GRSF1: variants seen among roughly 807,000 people sequenced by gnomAD.
GRSF1 encodes the protein G-rich RNA sequence binding factor 1.
In GRSF1, 50 loss-of-function variants were observed where a neutral mutation model predicts 51.1. The ratio of observed to expected loss-of-function variants is 0.98; its 90% CI spans 0.78 to 1.24. The LOEUF is 1.24. Among genes scored for constraint, GRSF1 ranks in the 50% most tolerant of loss-of-function variants. GRSF1 has a pLI of 0.00. For synonymous variants in GRSF1, 293 were observed against 253.3 expected, an observed-to-expected ratio of 1.16 and a Z score of -1.49; for missense variants, 700 against 639.7, an observed-to-expected ratio of 1.09 and a Z score of -1.02.
At chr4:70,838,591 G>C (rs1216707630) in intron 1 of GRSF1, among the ~76,000 whole-genome samples, 1 of 152,196 alleles carries the variant, frequency 6.6e-6, no homozygotes, top group African/African-American at 2.4e-5. Flanking sequence ...TAAGGAATCA[G>C]GGGCTGGGTA....
In GRSF1 at chr4:70,816,353, A is replaced by G. The variant is rs999802502; in HGVS notation, c.*4534T>C. ...CGATACAAGACTCCATCTCAAAAAA[A>G]AAAAAAAAAAAAGAAAAAACCTCAT... On this transcript the variant is annotated 3_prime_UTR_variant, in exon 10 of 10. Coordinates refer to ENST00000254799, the MANE Select transcript of GRSF1 (RefSeq NM_002092.4). The G allele has an allele frequency of 2.6e-5, 4 of 151,556 alleles. No individual in the cohort carries two copies. The East Asian group carries it at 7.7e-4, about 29-fold the overall frequency. The allele number at this position is 151,556 out of a possible 1,614,324, so 9.4% of individuals were successfully genotyped here.
At chr4:70,835,892 T>C (rs1173530542) in intron 2 of GRSF1, among the ~76,000 whole-genome samples, 1 of 152,212 alleles carries the variant, frequency 6.6e-6, no homozygotes. Flanking sequence ...AACTGCTGAT[T>C]ACAGGCCTGA....
At chr4:70,836,136 A>G in intron 2 of GRSF1, 22 bp downstream of exon 2, 1 of 1,358,388 alleles carries the variant, frequency 7.4e-7, no homozygotes, top group South Asian at 1.6e-5. Flanking sequence ...AAATAAATAA[A>G]TAAAACATAC....
chr4:70,839,463 C>T lies in GRSF1; in HGVS notation c.357+8G>A, dbSNP rs1734370447. The T allele has an allele frequency of 6.8e-7, 1 of 1,462,102 alleles. No homozygotes were observed. The highest frequency in any genetic ancestry group is 2.6e-5 in the Admixed American group (1 of 39,214). 90.6% of individuals were successfully genotyped at this position (1,462,102 alleles called of 1,614,324 possible). On this transcript the variant is annotated splice_region_variant and intron_variant, in intron 1 of 9. Transcript: ENST00000254799. ...TCTCGCGCCAGGTCCCTCACGGCGC[C>T]CACGTACCTGGCTGTAGCTGCGCGT...
rs749566614 is a variant in GRSF1 at position 70,833,232 on chromosome 4, G to C, written c.556C>G (p.Leu186Val). The C allele has an allele frequency of 5.6e-6, 9 of 1,613,812 alleles. No homozygotes were observed. The South Asian group carries it at 9.9e-5, about 18-fold the overall frequency. ...CCCCTTCGTTTCCCATCTCTGTTTA[G>C]GAGAAAATGTATTCCATTCTCACCG... is the stretch of plus-strand genomic sequence containing the variant. ...RNGENGIHFL[L>V]NRDGKRRGDA... The change falls in exon 3 of 10, where the codon CTA (leucine) becomes GTA (valine). Residue 186 changes from leucine (L) to valine (V), a missense_variant. Physicochemically the swap from Leu to Val is conservative, Grantham distance 32. Transcript: ENST00000254799.
In GRSF1 at chr4:70,831,747, C is replaced by G. The variant is rs1733978191; in HGVS notation, c.815-73G>C. On this transcript the variant is annotated intron_variant, in intron 4 of 9. Transcript: ENST00000254799. ...TAGAATTAACACCATCATTCACATA[C>G]TAATAAAATTTTTATTCTGTTTTGC... The G allele has an allele frequency of 3.7e-6, 5 of 1,333,816 alleles. No homozygotes were observed. In the South Asian group the frequency reaches 6.9e-5, roughly 18 times the overall value. The allele number at this position is 1,333,816 out of a possible 1,614,324, so 82.6% of individuals were successfully genotyped here. A position where few individuals can be genotyped will look rare whatever the true frequency, so the allele number is the denominator to read the frequency against.
rs368531595 is a variant in GRSF1 at position 70,833,147 on chromosome 4, C to T, written c.641G>A (p.Arg214His). 1.8e-5 allele frequency: 29 copies of T among 1,613,914 alleles called. No individual in the cohort carries two copies. In the African/African-American group the frequency reaches 2.5e-4, roughly 14 times the overall value. Residue 214 changes from arginine (R) to histidine (H), a missense_variant, in exon 3 of 10, where the codon CGC becomes CAC. By Grantham distance (29) the Arg-to-His change is conservative. Coordinates refer to ENST00000254799, the MANE Select transcript of GRSF1 (RefSeq NM_002092.4). The stretch of plus-strand genomic sequence containing the variant: ...CACATACCGCTGGCCCATGTACATG[C>T]GGTGCTTCTCTAAGGCTTTCTGCAC... ...QDVQKALEKH[R>H]MYMGQRYVEV...
rs1213702868 is a variant in GRSF1 at position 70,826,300 on chromosome 4, A to T, written c.1136-55T>A. On this transcript the variant is annotated intron_variant, in intron 6 of 9. Coordinates refer to ENST00000254799, the MANE Select transcript of GRSF1 (RefSeq NM_002092.4). ...AACATAACAGCTTCAAGGGTTATTA[A>T]CAGATTCTAATTAGGTATGACTTTT... The T allele has an allele frequency of 2.1e-6, 3 of 1,458,506 alleles. No individual in the cohort carries two copies. In the African/African-American group the frequency reaches 4.3e-5, roughly 21 times the overall value. The allele number at this position is 1,458,506 out of a possible 1,614,324, so 90.3% of individuals were successfully genotyped here.
intron 7 of GRSF1, 200 bp downstream of exon 7, chr4:70,825,922 ACT>A (rs1263706070): frequency 1.6e-5 from 8 of 496,832 alleles, no homozygotes; most frequent in East Asian, 7.9e-5. Flanking sequence ...ACAGAGCGAG[ACT>A]CTGTCACAAA....
Position 70,839,890 on chromosome 4 carries a change from T to G in GRSF1, c.-63A>C, listed in dbSNP as rs1008619533. ...TCCAGCAGCGATGGTGGAACGGAAG[T>G]GGAATCCAGGGCCGGTTGGGGGTGG... On this transcript the variant is annotated 5_prime_UTR_variant, in exon 1 of 10. Transcript: ENST00000254799. 28 of 1,403,218 alleles carry G rather than the reference T, an allele frequency of 2.0e-5. No homozygotes were observed. In the African/African-American group the frequency reaches 4.1e-4, roughly 21 times the overall value. 86.9% of individuals were successfully genotyped at this position (1,403,218 alleles called of 1,614,324 possible). A position where few individuals can be genotyped will look rare whatever the true frequency, so the allele number is the denominator to read the frequency against.
intron 1 of GRSF1, among the ~76,000 whole-genome samples, chr4:70,837,433 G>A (rs558101348): frequency 4.8e-4 from 73 of 151,804 alleles, no homozygotes; most frequent in African/African-American, 1.7e-3. Context: ...GTGTGGTGGC[G>A]TGTGCCCGTA....
chr4:70,821,255 C>G (rs1294853288), intron 9 of GRSF1, among the ~76,000 whole-genome samples: 1 of 151,948 alleles, frequency 6.6e-6, no homozygotes, highest in Non-Finnish European at 1.5e-5. Context: ...AAAGAAACCC[C>G]GTCTCCACAA....
intron 6 of GRSF1, among the ~76,000 whole-genome samples, chr4:70,827,058 C>G (rs185252286): frequency 5.3e-5 from 8 of 152,218 alleles, no homozygotes; most frequent in Admixed American, 3.9e-4. Flanking sequence ...GAAGCAGAGG[C>G]CGGCAGATCA....
intron 1 of GRSF1, chr4:70,839,138 G>A (rs1307795297): frequency 7.6e-7 from 1 of 1,315,662 alleles, no homozygotes; most frequent in East Asian, 5.0e-5. Flanking sequence ...AAAGCAAGAA[G>A]ATGCGAGGTG....
intron 2 of GRSF1, among the ~76,000 whole-genome samples, chr4:70,835,150 T>C (rs565814688): frequency 6.6e-6 from 1 of 151,736 alleles, no homozygotes; most frequent in East Asian, 2.0e-4. Flanking sequence ...CTACGTAGTA[T>C]TCCATCATAC....
chr4:70,820,376 A>G lies in GRSF1; in HGVS notation c.*511T>C, dbSNP rs1733453927. On this transcript the variant is annotated 3_prime_UTR_variant, in exon 10 of 10. Transcript: ENST00000254799. ...ATCAAATACAGCAAAATTTAAAACT[A>G]TTCTGCCAAACCATACCAGTTCAAA... 1 of 152,620 alleles carries G rather than the reference A, an allele frequency of 6.6e-6. No homozygotes were observed. The highest frequency in any genetic ancestry group is 1.5e-5 in the Non-Finnish European group (1 of 68,030). 9.5% of individuals were successfully genotyped at this position (152,620 alleles called of 1,614,324 possible). A position where few individuals can be genotyped will look rare whatever the true frequency, so the allele number is the denominator to read the frequency against.
At position 70,819,453 on chromosome 4, in the gene GRSF1, T is replaced by C. The variant is rs1434035090; in HGVS notation, c.*1434A>G. The C allele has an allele frequency of 1.3e-5, 2 of 152,206 alleles. No homozygotes were observed. Among genetic ancestry groups the C allele is most frequent in the Admixed American group, 6.5e-5 (1 of 15,270 alleles). 9.4% of individuals were successfully genotyped at this position (152,206 alleles called of 1,614,324 possible). A position where few individuals can be genotyped will look rare whatever the true frequency, so the allele number is the denominator to read the frequency against. On this transcript the variant is annotated 3_prime_UTR_variant, in exon 10 of 10. Coordinates refer to ENST00000254799, the MANE Select transcript of GRSF1 (RefSeq NM_002092.4). ...CACGAAAATTAACCCTTACTACTTA[T>C]ATTAATATAGCAGGACTTGAGGTAA...
In GRSF1 at chr4:70,835,386, T is replaced by C. The variant is rs577677563; in HGVS notation, c.514+772A>G. Among the ~76,000 whole-genome samples the C allele has an allele frequency of 2.8e-5, 4 of 144,632 alleles. No homozygotes were observed. The East Asian group carries it at 6.8e-4, about 24-fold the overall frequency. 94.9% of individuals were successfully genotyped at this position (144,632 alleles called of 152,430 possible). A position where few individuals can be genotyped will look rare whatever the true frequency, so the allele number is the denominator to read the frequency against. On this transcript the variant is annotated intron_variant, in intron 2 of 9. Coordinates refer to ENST00000254799, the MANE Select transcript of GRSF1 (RefSeq NM_002092.4). ...CGGAGCTTGCAGTGAGCTGAGATCA[T>C]GCCACTGCACTCCAGCCTGGCGACA... is the stretch of plus-strand genomic sequence containing the variant.
At chr4:70,823,117 C>T (rs999131093) in intron 9 of GRSF1, among the ~76,000 whole-genome samples, 32 of 149,984 alleles carry the variant, frequency 2.1e-4, no homozygotes, top group African/African-American at 6.4e-4. Context: ...AAAAGTAGGC[C>T]GGACACAGTG....
Sources: allele counts gnomAD v4.1 joint callset (sites outside exome capture counted in the v4.1 genomes callset), GRCh38; gene constraint gnomAD v4.1.1; transcripts MANE v1.5; gene names NCBI Gene and HGNC (gene_info 2026-07-23, HGNC 2026-07-21).